PIK3CB: variants seen among roughly 807,000 people sequenced by gnomAD.
PIK3CB encodes the protein phosphatidylinositol 4,5-bisphosphate 3-kinase catalytic subunit beta isoform.
In PIK3CB, 39 loss-of-function variants were observed where a neutral mutation model predicts 136.8. The ratio of observed to expected loss-of-function variants is 0.29; its 90% CI spans 0.22 to 0.37. PIK3CB has a LOEUF of 0.37. Ranked by LOEUF, PIK3CB falls within the 10% of genes least tolerant of loss-of-function variation. The pLI is 1.00. For missense variants in PIK3CB, 868 were observed against 1,275.4 expected (o/e 0.68, Z 4.87); for synonymous variants, 428 against 436.6 (o/e 0.98, Z 0.25).
chr3:138,664,888 T>A (rs919935791), intron 20 of PIK3CB, 148 bp downstream of exon 20: 3 of 487,736 alleles, frequency 6.2e-6, no homozygotes, highest in Non-Finnish European at 1.1e-5. Context: ...TACGAAGGGC[T>A]ATGTGTCATT....
intron 1 of PIK3CB, among the ~76,000 whole-genome samples, chr3:138,813,717 G>A (rs185910510): frequency 6.2e-4 from 95 of 152,102 alleles, no homozygotes; most frequent in African/African-American, 2.0e-3. Flanking sequence ...GCGCCCAGCC[G>A]ATTAAGGGCC....
At chr3:138,685,684 AAG>A (rs2043875569) in intron 16 of PIK3CB, among the ~76,000 whole-genome samples, 1 of 152,174 alleles carries the variant, frequency 6.6e-6, no homozygotes. Flanking sequence ...TTTTATAATA[AAG>A]TGTGAATATA....
chr3:138,815,308 G>T (rs1933271932), intron 1 of PIK3CB, among the ~76,000 whole-genome samples: 1 of 128,060 alleles, frequency 7.8e-6, no homozygotes, highest in African/African-American at 2.9e-5. Context: ...AGTGAGCCAA[G>T]ATTGTGCCAC....
At chr3:138,815,270 T>C (rs1933269904) in intron 1 of PIK3CB, among the ~76,000 whole-genome samples, 1 of 140,468 alleles carries the variant, frequency 7.1e-6, no homozygotes, top group African/African-American at 2.6e-5. Context: ...GGTGGGAGGA[T>C]GCCTTGAGCT....
intron 3 of PIK3CB, among the ~76,000 whole-genome samples, chr3:138,757,010 A>C (rs113070208): frequency 1.3e-5 from 2 of 152,304 alleles, no homozygotes; most frequent in African/African-American, 4.8e-5. Flanking sequence ...TTTAAAAATC[A>C]GTACAGGTCT....
chr3:138,670,806 T>G (rs2108443050), intron 19 of PIK3CB, among the ~76,000 whole-genome samples: 1 of 152,332 alleles, frequency 6.6e-6, no homozygotes, highest in South Asian at 2.1e-4. Context: ...AAAAAATCTG[T>G]CACCTGTAGT....
intron 4 of PIK3CB, among the ~76,000 whole-genome samples, chr3:138,749,209 C>A (rs972805268): frequency 1.3e-5 from 2 of 152,034 alleles, no homozygotes. Context: ...AAATAAGTAC[C>A]CAATAATATA....
At position 138,810,792 on chromosome 3, in the gene PIK3CB, C is replaced by T. The variant is rs563856526; in HGVS notation, c.-121-14225G>A. Among the ~76,000 whole-genome samples, 396 of 151,720 alleles carry T rather than the reference C, an allele frequency of 2.6e-3. 4 individuals are homozygous for T. Among genetic ancestry groups the T allele is most frequent in the African/African-American group, 9.3e-3 (386 of 41,356 alleles). On this transcript the variant is annotated intron_variant, in intron 1 of 23. Coordinates refer to ENST00000674063, the MANE Select transcript of PIK3CB (RefSeq NM_006219.3). Reference sequence around the variant, plus strand: ...AAAATTAGCTGGGCATGGTGGCAGGCGCCTGTAGTCCCAGCTACTCGGGAG... The same window carrying T: ...AAAATTAGCTGGGCATGGTGGCAGGTGCCTGTAGTCCCAGCTACTCGGGAG...
rs2108529754 is a variant in PIK3CB at position 138,698,940 on chromosome 3, T to C, written c.1737A>G (p.Ser579=). 2 of 1,601,018 alleles carry C rather than the reference T, an allele frequency of 1.2e-6. No individual in the cohort carries two copies. Among genetic ancestry groups the C allele is most frequent in the Non-Finnish European group, 1.7e-6 (2 of 1,171,236 alleles). Residue 579 remains serine, a synonymous_variant, in exon 13 of 24, where the codon TCA becomes TCG. Transcript: ENST00000674063. Reference sequence around the variant, plus strand: ...CATCCTCAAGTTTATTCCACTTGATTGACAGCAGTAATTTTGGCAGTGATT... The same window carrying C: ...CATCCTCAAGTTTATTCCACTTGATCGACAGCAGTAATTTTGGCAGTGATT... ...FPQSLPKLLL[S]IKWNKLEDVA... is the part of the protein sequence containing the mutation.
intron 1 of PIK3CB, chr3:138,825,941 C>T (rs1044442398): frequency 1.3e-6 from 2 of 1,557,334 alleles, no homozygotes; most frequent in African/African-American, 2.7e-5. Flanking sequence ...AAATGACCCA[C>T]CAATGGAAGC....
chr3:138,660,000 A>G (rs2043264696), intron 21 of PIK3CB, among the ~76,000 whole-genome samples: 2 of 148,532 alleles, frequency 1.3e-5, no homozygotes, highest in Non-Finnish European at 3.0e-5. Context: ...TTTCTGGAAT[A>G]TCCATTAGGC....
intron 19 of PIK3CB, among the ~76,000 whole-genome samples, chr3:138,675,103 A>C (rs2043617703): frequency 6.6e-6 from 1 of 152,190 alleles, no homozygotes; most frequent in Admixed American, 6.5e-5. Context: ...GTATCAACAA[A>C]GGAAGACTAT....
At chr3:138,718,267 C>A (rs1256657192) in intron 8 of PIK3CB, among the ~76,000 whole-genome samples, 1 of 152,298 alleles carries the variant, frequency 6.6e-6, no homozygotes, top group East Asian at 1.9e-4. Flanking sequence ...ATTTGCATTT[C>A]TCTAATGATC....
At chr3:138,765,647 A>G (rs2045723370) in intron 2 of PIK3CB, among the ~76,000 whole-genome samples, 1 of 149,550 alleles carries the variant, frequency 6.7e-6, no homozygotes, top group African/African-American at 2.5e-5. Context: ...GTTCAAGACC[A>G]TCCTGGACAA....
intron 8 of PIK3CB, among the ~76,000 whole-genome samples, chr3:138,726,240 T>C (rs1034763659): frequency 2.0e-5 from 3 of 152,260 alleles, no homozygotes; most frequent in Non-Finnish European, 4.4e-5. Flanking sequence ...TAAACACAGA[T>C]AACTTTAAGA....
At chr3:138,729,443 G>T (rs2044921343) in intron 8 of PIK3CB, among the ~76,000 whole-genome samples, 1 of 152,206 alleles carries the variant, frequency 6.6e-6, no homozygotes, top group Non-Finnish European at 1.5e-5. Flanking sequence ...TTAACATTGT[G>T]ATCAGTAGAC....
chr3:138,699,667 T>G (rs1424240046), intron 12 of PIK3CB, among the ~76,000 whole-genome samples: 1 of 152,120 alleles, frequency 6.6e-6, no homozygotes, highest in Non-Finnish European at 1.5e-5. Flanking sequence ...AGACAAAGAC[T>G]AGAAAATATA....
At chr3:138,656,748 C>T (rs996187278) in intron 22 of PIK3CB, among the ~76,000 whole-genome samples, 7 of 152,064 alleles carry the variant, frequency 4.6e-5, no homozygotes, top group African/African-American at 1.4e-4. Context: ...CTCTCCTCTT[C>T]AAGATGGTCC....
At chr3:138,709,183 C>A (rs916093910) in intron 10 of PIK3CB, among the ~76,000 whole-genome samples, 4 of 151,886 alleles carry the variant, frequency 2.6e-5, no homozygotes, top group African/African-American at 9.7e-5. Context: ...TTTATCTATT[C>A]TTTGAATCAA....
Sources: gnomAD v4.1 joint callset for allele counts (sites outside exome capture counted in the v4.1 genomes callset) on GRCh38, gnomAD v4.1.1 for gene constraint, MANE v1.5 for transcripts, NCBI Gene and HGNC (gene_info 2026-07-23, HGNC 2026-07-21) for gene names.